The following ST7 variants were observed in gnomAD, a reference collection of about 807,000 sequenced individuals.
ST7 encodes the protein suppression of tumorigenicity 7, also known as suppressor of tumorigenicity 7 protein.
A neutral mutation model predicts 78.7 loss-of-function variants in ST7; 28 were observed. The observed-to-expected ratio is 0.36, with a 90% CI of 0.26 to 0.49. The LOEUF (loss-of-function observed/expected upper bound fraction) is 0.49, where lower values mean the gene tolerates loss of function less well. ST7 is among the 20% of genes least tolerant of loss of function. The pLI, the probability that ST7 is intolerant of heterozygous loss-of-function variation, is 0.99. For synonymous variants in ST7, 247 were observed against 249.6 expected (o/e 0.99, Z 0.10); for missense variants, 418 against 696.0 (o/e 0.60, Z 4.49).
intron 1 of ST7, among the ~76,000 whole-genome samples, chr7:117,035,119 GTTTTTT>G (rs61562340): frequency 2.2e-5 from 3 of 135,678 alleles, no homozygotes; most frequent in Non-Finnish European, 4.7e-5. Flanking sequence ...AAGCTGGGCA[GTTTTTT>G]TTTTTTTTTT....
rs1431950680 is a variant in ST7 at position 117,023,776 on chromosome 7, A to ATT, written c.151+70086_151+70087dup. Among the ~76,000 whole-genome samples the ATT allele has an allele frequency of 9.0e-3, 226 of 24,976 alleles. 1 individual carries two copies. Among genetic ancestry groups the ATT allele is most frequent in the African/African-American group, 0.014 (206 of 14,666 alleles). The allele number at this position is 24,976 out of a possible 152,430, so 16.4% of individuals were successfully genotyped here. A position where few individuals can be genotyped will look rare whatever the true frequency, so the allele number is the denominator to read the frequency against. ...ATGTATATTTGGAGTTCTTAATTTGATTATATATATATATATATCGTGTGT... is the reference window on the plus strand; with the variant it reads ...ATGTATATTTGGAGTTCTTAATTTGATTTTATATATATATATATATCGTGTGT... On this transcript the variant is annotated intron_variant, in intron 1 of 15. Coordinates refer to ENST00000323984, the MANE Select transcript of ST7 (RefSeq NM_001369598.1).
chr7:117,110,014 C>T (rs868729918), intron 2 of ST7, among the ~76,000 whole-genome samples: 1 of 152,074 alleles, frequency 6.6e-6, no homozygotes, highest in African/African-American at 2.4e-5. Context: ...TAAAAACCTA[C>T]CTTAATATTC....
At chr7:117,055,339 A>C (rs966433195) in intron 1 of ST7, among the ~76,000 whole-genome samples, 4 of 152,010 alleles carry the variant, frequency 2.6e-5, no homozygotes, top group Non-Finnish European at 5.9e-5. Flanking sequence ...AGTAGCTGGG[A>C]TTACAGGTGT....
At chr7:117,036,456 C>T (rs979341483) in intron 1 of ST7, among the ~76,000 whole-genome samples, 5 of 152,182 alleles carry the variant, frequency 3.3e-5, no homozygotes, top group African/African-American at 7.2e-5. Context: ...GAATATTTTA[C>T]GTATTTAGCT....
intron 1 of ST7, among the ~76,000 whole-genome samples, chr7:117,049,559 C>G (rs1220635917): frequency 6.6e-6 from 1 of 152,140 alleles, no homozygotes; most frequent in Admixed American, 6.5e-5. Flanking sequence ...ACAGGTATGC[C>G]TTTCTTATAG....
intron 12 of ST7, among the ~76,000 whole-genome samples, chr7:117,204,634 C>T (rs1791560710): frequency 3.3e-5 from 5 of 152,172 alleles, no homozygotes; most frequent in Admixed American, 2.6e-4. Flanking sequence ...AACATTGAAA[C>T]TCAGACTATG....
At chr7:117,021,376 G>A (rs948888445) in intron 1 of ST7, among the ~76,000 whole-genome samples, 1 of 152,212 alleles carries the variant, frequency 6.6e-6, no homozygotes, top group Non-Finnish European at 1.5e-5. Flanking sequence ...CAATGCAGTT[G>A]TACAGGCTCT....
chr7:117,040,795 C>A (rs1357453855), intron 1 of ST7, among the ~76,000 whole-genome samples: 1 of 152,194 alleles, frequency 6.6e-6, no homozygotes, highest in African/African-American at 2.4e-5. Flanking sequence ...TTAAAATAAT[C>A]TATGCAATAA....
chr7:116,971,522 A>C (rs988729029), intron 1 of ST7, among the ~76,000 whole-genome samples: 4 of 152,192 alleles, frequency 2.6e-5, no homozygotes, highest in African/African-American at 9.7e-5. Context: ...AATGAAAAAA[A>C]AAATAAGAAA....
intron 9 of ST7, among the ~76,000 whole-genome samples, chr7:117,168,921 G>A (rs1291379178): frequency 1.3e-5 from 2 of 152,200 alleles, no homozygotes; most frequent in African/African-American, 4.8e-5. Flanking sequence ...CTTTAAAGAT[G>A]TTGACATCAA....
intron 1 of ST7, among the ~76,000 whole-genome samples, chr7:117,032,173 C>T (rs919290909): frequency 2.6e-5 from 4 of 151,830 alleles, no homozygotes; most frequent in East Asian, 1.9e-4. Flanking sequence ...TGAGCCACCA[C>T]GCCTGGCCTA....
At chr7:116,966,087 G>A (rs778485263) in intron 1 of ST7, 16 of 460,312 alleles carry the variant, frequency 3.5e-5, no homozygotes, top group South Asian at 2.4e-4. Context: ...TAAAATATAA[G>A]GTCCATTTTA....
In ST7 at chr7:117,016,419, T is replaced by C. The variant is rs183800827; in HGVS notation, c.151+62728T>C. On this transcript the variant is annotated intron_variant, in intron 1 of 15. Coordinates refer to ENST00000323984, the MANE Select transcript of ST7 (RefSeq NM_001369598.1). ...GAGTATGCTTTTAGTTATAAATTTG[T>C]ACCTCCTCCCACAAAGAACACCATC... 9.1e-4 allele frequency among the ~76,000 whole-genome samples: 139 copies of C among 152,346 alleles called. 1 individual carries two copies. The highest frequency in any genetic ancestry group is 3.4e-3 in the Middle Eastern group (1 of 294).
chr7:117,071,986 T>C lies in ST7; in HGVS notation c.152-27776T>C, dbSNP rs541310099. The C allele has an allele frequency of 2.0e-5, 3 of 152,366 alleles. No homozygotes were observed. The South Asian group carries it at 6.2e-4, about 32-fold the overall frequency. 9.4% of individuals were successfully genotyped at this position (152,366 alleles called of 1,614,324 possible). On this transcript the variant is annotated intron_variant, in intron 1 of 15. Coordinates refer to ENST00000323984, the MANE Select transcript of ST7 (RefSeq NM_001369598.1). ...GAGGGATAAGAGGTTTCCAGGAGGA[T>C]AATACTCTTCCACAGTCTATTTAAT...
intron 15 of ST7, among the ~76,000 whole-genome samples, chr7:117,224,265 C>T (rs940972276): frequency 6.6e-5 from 10 of 152,178 alleles, no homozygotes; most frequent in African/African-American, 2.4e-4. Context: ...ACAGCTCACT[C>T]ATTCATGGCC....
At chr7:117,007,276 A>T (rs539827101) in intron 1 of ST7, among the ~76,000 whole-genome samples, 2 of 152,338 alleles carry the variant, frequency 1.3e-5, no homozygotes, top group East Asian at 3.9e-4. Flanking sequence ...AGAATGAAAC[A>T]GCTTTATTGC....
intron 1 of ST7, among the ~76,000 whole-genome samples, chr7:117,028,951 A>G (rs1796336389): frequency 6.6e-6 from 1 of 152,216 alleles, no homozygotes; most frequent in Admixed American, 6.5e-5. Context: ...TTGAAAATCC[A>G]CATGACCTTT....
At chr7:117,035,041 A>ATAATTT (rs1796807191) in intron 1 of ST7, among the ~76,000 whole-genome samples, 1 of 152,000 alleles carries the variant, frequency 6.6e-6, no homozygotes, top group African/African-American at 2.4e-5. Context: ...CGCAACATGA[A>ATAATTT]TAATTTTCCT....
intron 1 of ST7, among the ~76,000 whole-genome samples, chr7:117,052,234 C>A (rs1797822805): frequency 6.6e-6 from 1 of 152,188 alleles, no homozygotes; most frequent in Admixed American, 6.5e-5. Flanking sequence ...TCCCCAGCAT[C>A]ATTCTCCTTT....
Sources: allele counts gnomAD v4.1 joint callset (sites outside exome capture counted in the v4.1 genomes callset), GRCh38; gene constraint gnomAD v4.1.1; transcripts MANE v1.5; gene names NCBI Gene and HGNC (gene_info 2026-07-23, HGNC 2026-07-21).